MARK4: variants seen among roughly 807,000 people sequenced by gnomAD.
The protein encoded by MARK4 is MAP/microtubule affinity-regulating kinase 4.
In MARK4, 19 loss-of-function variants were observed where a neutral mutation model predicts 81.5. The ratio of observed to expected loss-of-function variants is 0.23; its 90% CI spans 0.16 to 0.34. MARK4 has a LOEUF of 0.34. Ranked by LOEUF, MARK4 falls within the 10% of genes least tolerant of loss-of-function variation. The pLI is 1.00. For synonymous variants in MARK4, 436 were observed against 439.0 expected (o/e 0.99, Z 0.08); for missense variants, 772 against 1,058.8 (o/e 0.73, Z 3.76).
At position 45,268,057 on chromosome 19, in the gene MARK4, A is replaced by G. The variant is rs145672044; in HGVS notation, c.549+1776A>G. ...GTGATCTGCCCGCCTTGGCCTCCCAAAGTGCTGGGATTACAGGTGTGAGCC... is the reference window on the plus strand; with the variant it reads ...GTGATCTGCCCGCCTTGGCCTCCCAGAGTGCTGGGATTACAGGTGTGAGCC... On this transcript the variant is annotated intron_variant, in intron 7 of 16. Coordinates refer to ENST00000262891, the MANE Select transcript of MARK4 (RefSeq NM_001199867.2). Among the ~76,000 whole-genome samples, 387 of 151,942 alleles carry G rather than the reference A, an allele frequency of 2.5e-3. 3 individuals carry two copies. Among genetic ancestry groups the G allele is most frequent in the African/African-American group, 8.7e-3 (359 of 41,458 alleles).
At chr19:45,255,636 C>T (rs1284452645) in intron 1 of MARK4, among the ~76,000 whole-genome samples, 2 of 151,960 alleles carry the variant, frequency 1.3e-5, no homozygotes, top group Admixed American at 1.3e-4. Context: ...TCACTTTCCC[C>T]ACCTGTAAAA....
chr19:45,281,959 G>T (rs768475315), intron 12 of MARK4, among the ~76,000 whole-genome samples: 1 of 152,100 alleles, frequency 6.6e-6, no homozygotes, highest in Non-Finnish European at 1.5e-5. Context: ...GCCAGGCACG[G>T]TGGCTCATGT....
In MARK4 at chr19:45,278,110, C is replaced by G. The variant is rs113774437; in HGVS notation, c.906+68C>G. 4.4e-6 allele frequency: 7 copies of G among 1,588,934 alleles called. 1 individual carries two copies. The East Asian group carries it at 1.3e-4, about 30-fold the overall frequency. ...TGACTCCCCTAAACTCTGCCTGCCC[C>G]CACCCACAAAAGCCTTCTTGACACA... is the stretch of plus-strand genomic sequence containing the variant. On this transcript the variant is annotated intron_variant, in intron 9 of 16. Transcript: ENST00000262891.
chr19:45,251,568 G>GC lies in MARK4; in HGVS notation c.-15dup, dbSNP rs1452940241. 12 of 787,724 alleles carry GC rather than the reference G, an allele frequency of 1.5e-5. No homozygotes were observed. The highest frequency in any genetic ancestry group is 7.2e-5 in the South Asian group (2 of 27,862). The allele number at this position is 787,724 out of a possible 1,614,324, so 48.8% of individuals were successfully genotyped here. On this transcript the variant is annotated 5_prime_UTR_variant, in exon 1 of 17. Coordinates refer to ENST00000262891, the MANE Select transcript of MARK4 (RefSeq NM_001199867.2). Reference sequence around the variant, plus strand: ...CCGCCCCCCCCACCCGGCCGCCCCTGCCCCCCGGGACCCGGAGAAGATGTC... The same window carrying GC: ...CCGCCCCCCCCACCCGGCCGCCCCTGCCCCCCCGGGACCCGGAGAAGATGTC...
intron 12 of MARK4, among the ~76,000 whole-genome samples, chr19:45,285,858 C>T (rs984614435): frequency 2.0e-5 from 3 of 152,152 alleles, no homozygotes; most frequent in Admixed American, 2.0e-4. Context: ...CACTTTTCAC[C>T]CCCGGGTTCT....
chr19:45,299,827 G>C lies in MARK4; in HGVS notation c.1894G>C (p.Glu632Gln), dbSNP rs1360769623. The C allele has an allele frequency of 3.5e-5, 56 of 1,605,640 alleles. No individual in the cohort carries two copies. Among genetic ancestry groups the C allele is most frequent in the Non-Finnish European group, 4.6e-5 (54 of 1,174,426 alleles). Residue 632 changes from glutamate to glutamine, a missense_variant, in exon 16 of 17, where the codon GAG becomes CAG. Physicochemically the swap from Glu to Gln is conservative, Grantham distance 29. This residue lies in a region of MARK4 where 548 missense variants were observed against 624.3 expected (regional missense o/e 0.88). Coordinates refer to ENST00000262891, the MANE Select transcript of MARK4 (RefSeq NM_001199867.2). ...CTCCCCTAGGGTCGCAGACGAACCTGAGAGAATCGGGGGACCTGAGGTCAC... is the reference window on the plus strand; with the variant it reads ...CTCCCCTAGGGTCGCAGACGAACCTCAGAGAATCGGGGGACCTGAGGTCAC... ...KLTRRVADEPERIGGPEVTSC... is the reference protein window; with the variant it reads ...KLTRRVADEPQRIGGPEVTSC...
chr19:45,277,517 G>A (rs1419500975), intron 8 of MARK4, among the ~76,000 whole-genome samples: 1 of 144,618 alleles, frequency 6.9e-6, no homozygotes, highest in African/African-American at 2.6e-5. Flanking sequence ...CTCCTCCCTC[G>A]GCCTCCCAAC....
intron 12 of MARK4, among the ~76,000 whole-genome samples, chr19:45,287,202 CAAAAAAAA>C (rs139216602): frequency 3.1e-5 from 2 of 65,518 alleles, no homozygotes; most frequent in African/African-American, 1.1e-4. Flanking sequence ...GACTTTGTCT[CAAAAAAAA>C]AAAAAAAAAA....
chr19:45,280,367 C>A lies in MARK4; in HGVS notation c.1007-7C>A. On this transcript the variant is annotated splice_polypyrimidine_tract_variant and splice_region_variant and intron_variant, in intron 10 of 16. Transcript: ENST00000262891. ...GTCTGAAACTTCTCTCCATCCCCCCCTCCCAGAGGTGATGGTGGGTATGGG... is the reference window on the plus strand; with the variant it reads ...GTCTGAAACTTCTCTCCATCCCCCCATCCCAGAGGTGATGGTGGGTATGGG... 2.5e-6 allele frequency: 4 copies of A among 1,610,462 alleles called. No homozygotes were observed. The highest frequency in any genetic ancestry group is 3.4e-6 in the Non-Finnish European group (4 of 1,176,804).
intron 14 of MARK4, among the ~76,000 whole-genome samples, chr19:45,296,493 G>A (rs1174389877): frequency 6.6e-6 from 1 of 152,188 alleles, no homozygotes; most frequent in Non-Finnish European, 1.5e-5. Flanking sequence ...CTTTGTAAAG[G>A]CGTCACCCAG....
At chr19:45,296,446 G>C (rs344806) in intron 14 of MARK4, among the ~76,000 whole-genome samples, 104,690 of 152,106 alleles carry the variant, frequency 0.69, 37,328 homozygotes, top group African/African-American at 0.82. Flanking sequence ...TCCCAATCAG[G>C]AAGAAGTGGG....
chr19:45,290,848 C>G (rs1970811256), intron 13 of MARK4, among the ~76,000 whole-genome samples: 1 of 152,156 alleles, frequency 6.6e-6, no homozygotes, highest in Admixed American at 6.6e-5. Flanking sequence ...CTGTGCAGAG[C>G]CCGGGGTCAG....
rs941669307 is a variant in MARK4, at chr19:45,251,509, G to C, written c.-80G>C. On this transcript the variant is annotated 5_prime_UTR_variant, in exon 1 of 17. Coordinates refer to ENST00000262891, the MANE Select transcript of MARK4 (RefSeq NM_001199867.2). ...TTGAGCTCGCGTCCCCAGGCCGGCG[G>C]GGGGGGAGGGGAAGAGAGGGGACCC... 1.6e-5 allele frequency: 13 copies of C among 819,682 alleles called. No individual in the cohort carries two copies. The highest frequency in any genetic ancestry group is 2.1e-5 in the Non-Finnish European group (12 of 565,914). 50.8% of individuals were successfully genotyped at this position (819,682 alleles called of 1,614,324 possible).
At chr19:45,267,099 C>T (rs1460594595) in intron 7 of MARK4, among the ~76,000 whole-genome samples, 1 of 152,072 alleles carries the variant, frequency 6.6e-6, no homozygotes, top group East Asian at 1.9e-4. Context: ...CACACTGTTG[C>T]CCAGGCTGGA....
chr19:45,280,411 CAA>C lies in MARK4; in HGVS notation c.1046_1047del (p.Lys349ArgfsTer23). 1 of 1,614,174 alleles carries C rather than the reference CAA, an allele frequency of 6.2e-7. No individual in the cohort carries two copies. The highest frequency in any genetic ancestry group is 8.5e-7 in the Non-Finnish European group (1 of 1,180,020). On this transcript the variant is annotated frameshift_variant, in exon 11 of 17. Transcript: ENST00000262891. LOFTEE classifies it high-confidence loss of function. ...VGMGYTREEI[K>X]ESLTSQKYNE... The stretch of plus-strand genomic sequence containing the variant: ...GTATGGGCTACACACGGGAAGAAAT[CAA>C]AGAGTCCTTGACCAGCCAGAAGTAC...
At chr19:45,278,343 A>G (rs1459594858) in intron 9 of MARK4, among the ~76,000 whole-genome samples, 173 bp from the exon 10 acceptor site, 1 of 152,108 alleles carries the variant, frequency 6.6e-6, no homozygotes, top group Non-Finnish European at 1.5e-5. Context: ...GGGTGGCATC[A>G]GGAGGCTCCG....
Position 45,278,028 on chromosome 19 carries a change from C to T in MARK4, c.892C>T (p.Arg298Cys). 1 of 1,613,750 alleles carries T rather than the reference C, an allele frequency of 6.2e-7. No homozygotes were observed. Among genetic ancestry groups the T allele is most frequent in the Non-Finnish European group, 8.5e-7 (1 of 1,179,966 alleles). Residue 298 changes from arginine to cysteine, a missense_variant, in exon 9 of 17, where the codon CGC (arginine) becomes TGC (cysteine). Arg to Cys is a radical substitution (Grantham distance 180, BLOSUM62 -3). Around this residue, in one of 3 missense-constraint regions of MARK4, gnomAD observed 109 missense variants for 294.7 expected, o/e 0.37. Coordinates refer to ENST00000262891, the MANE Select transcript of MARK4 (RefSeq NM_001199867.2). ...RRFLVLNPAK[R>C]CTLEQIMKDK... is the part of the protein sequence containing the mutation. ...ATTTTTGGTGCTGAACCCAGCTAAACGCTGTACTCTCGAGGTGAGCCCAGC... is the reference window on the plus strand; with the variant it reads ...ATTTTTGGTGCTGAACCCAGCTAAATGCTGTACTCTCGAGGTGAGCCCAGC...
chr19:45,301,814 G>C (rs1191919831), intron 16 of MARK4, among the ~76,000 whole-genome samples: 1 of 145,486 alleles, frequency 6.9e-6, no homozygotes, highest in Non-Finnish European at 1.5e-5. Context: ...GTGGTGAGCC[G>C]AGATCGTTCC....
At chr19:45,257,436 T>C (rs1418957029) in intron 1 of MARK4, among the ~76,000 whole-genome samples, 1 of 148,680 alleles carries the variant, frequency 6.7e-6, no homozygotes. Context: ...CAGACTGTAG[T>C]GCAGTGGCGC....
Sources: gnomAD v4.1 joint callset for allele counts (sites outside exome capture counted in the v4.1 genomes callset) on GRCh38, gnomAD v4.1.1 for gene constraint, gnomAD v4.1.1 regional missense constraint, MANE v1.5 for transcripts, NCBI Gene and HGNC (gene_info 2026-07-23, HGNC 2026-07-21) for gene names.